TRPM3: variants seen among roughly 807,000 people sequenced by gnomAD.
TRPM3 encodes long transient receptor potential channel 3.
A neutral mutation model predicts 181.2 loss-of-function variants in TRPM3; 77 were observed. That is an observed-to-expected ratio of 0.42 (90% confidence interval 0.35 to 0.51). TRPM3 has a LOEUF of 0.51. Ranked by LOEUF, TRPM3 falls within the 20% of genes least tolerant of loss-of-function variation. TRPM3 has a pLI of 0.01. For synonymous variants in TRPM3, 745 were observed against 796.4 expected (o/e 0.94, Z 1.09); for missense variants, 1,759 against 2,196.7 (o/e 0.80, Z 3.98).
intron 1 of TRPM3, among the ~76,000 whole-genome samples, chr9:71,260,029 C>T (rs934807551): frequency 2.6e-5 from 4 of 152,112 alleles, no homozygotes; most frequent in Admixed American, 2.6e-4. Flanking sequence ...ACATTGAAGT[C>T]TTTAATCCAT....
At chr9:71,199,461 C>T (rs2078629463) in intron 1 of TRPM3, among the ~76,000 whole-genome samples, 1 of 152,048 alleles carries the variant, frequency 6.6e-6, no homozygotes, top group Non-Finnish European at 1.5e-5. Flanking sequence ...CCAGTTCCTC[C>T]TTGTACCTCT....
At chr9:70,934,717 T>C (rs897561419) in intron 1 of TRPM3, among the ~76,000 whole-genome samples, 11 of 152,220 alleles carry the variant, frequency 7.2e-5, no homozygotes, top group Non-Finnish European at 8.8e-5. Context: ...ATTTCCTTTA[T>C]TTCTCAGGCT....
At position 71,341,642 on chromosome 9, in the gene TRPM3, G is replaced by C. The variant is rs575001600; in HGVS notation, c.183+105011C>G. Among the ~76,000 whole-genome samples, 3 of 150,226 alleles carry C rather than the reference G, an allele frequency of 2.0e-5. No homozygotes were observed. The South Asian group carries it at 6.3e-4, about 32-fold the overall frequency. ...TAAATTCAGTGTAGAATCCTAGATT[G>C]GATCCTGGAAAAGAAAAAGAAACTA... On this transcript the variant is annotated intron_variant, in intron 1 of 24. Transcript: ENST00000357533.
chr9:70,853,650 G>C (rs565676320), intron 3 of TRPM3, among the ~76,000 whole-genome samples: 23 of 152,268 alleles, frequency 1.5e-4, no homozygotes, highest in African/African-American at 5.3e-4. Flanking sequence ...CTTTTGACCA[G>C]TACTAATTCT....
At chr9:70,876,077 G>A (rs1004431005) in intron 1 of TRPM3, among the ~76,000 whole-genome samples, 5 of 151,624 alleles carry the variant, frequency 3.3e-5, no homozygotes. Context: ...CTTTAATTTG[G>A]TTATATTGTT....
At chr9:70,639,529 C>T (rs1473232704) in intron 10 of TRPM3, among the ~76,000 whole-genome samples, 1 of 152,130 alleles carries the variant, frequency 6.6e-6, no homozygotes, top group African/African-American at 2.4e-5. Context: ...TCAACACCAG[C>T]GAAGTGTCAA....
rs566836112 is a variant in TRPM3, at chr9:70,807,713, A to G, written c.973+20134T>C. ...ATCTACAGAAGATGAGAGACTGTGA[A>G]GGCAGATGGGAGACTATGAAGGCTC... On this transcript the variant is annotated intron_variant, in intron 6 of 25. Coordinates refer to ENST00000677713, the MANE Select transcript of TRPM3 (RefSeq NM_001366145.2). 1.1e-3 allele frequency among the ~76,000 whole-genome samples: 175 copies of G among 152,276 alleles called. 1 individual carries two copies. Among genetic ancestry groups the G allele is most frequent in the African/African-American group, 4.0e-3 (165 of 41,558 alleles).
intron 1 of TRPM3, among the ~76,000 whole-genome samples, chr9:71,401,574 TGAG>T (rs2093341949): frequency 6.6e-6 from 1 of 152,204 alleles, no homozygotes; most frequent in African/African-American, 2.4e-5. Flanking sequence ...TTACCCTTGA[TGAG>T]GTAGATGTCA....
chr9:70,876,171 C>T (rs572660916), intron 1 of TRPM3, among the ~76,000 whole-genome samples: 11 of 151,574 alleles, frequency 7.3e-5, no homozygotes, highest in Non-Finnish European at 1.5e-4. Context: ...GACTAACTAC[C>T]AAAGCCTATA....
chr9:70,695,680 A>G (rs2070154013), intron 8 of TRPM3, among the ~76,000 whole-genome samples: 1 of 152,192 alleles, frequency 6.6e-6, no homozygotes, highest in Non-Finnish European at 1.5e-5. Context: ...TGGTGACAAC[A>G]TTACTAATGG....
chr9:71,299,622 G>A (rs926577234), intron 1 of TRPM3, among the ~76,000 whole-genome samples: 12 of 152,114 alleles, frequency 7.9e-5, no homozygotes, highest in Admixed American at 6.6e-4. Flanking sequence ...TGTTAACTAT[G>A]TAATTGTGCA....
At chr9:71,423,929 G>T (rs73472651) in intron 1 of TRPM3, among the ~76,000 whole-genome samples, 2,400 of 151,990 alleles carry the variant, frequency 0.016, 54 homozygotes, top group African/African-American at 0.053. Context: ...ATCCAGTAAC[G>T]TATCCACCTT....
At chr9:71,313,366 G>C (rs2088181615) in intron 1 of TRPM3, among the ~76,000 whole-genome samples, 1 of 152,082 alleles carries the variant, frequency 6.6e-6, no homozygotes, top group Non-Finnish European at 1.5e-5. Flanking sequence ...CTTCATACCT[G>C]ATTCCTAAAT....
intron 8 of TRPM3, among the ~76,000 whole-genome samples, chr9:70,745,428 G>A (rs996958746): frequency 2.6e-5 from 4 of 152,044 alleles, no homozygotes; most frequent in Non-Finnish European, 5.9e-5. Context: ...AACATTTTGA[G>A]TTGAAAAATT....
chr9:71,029,938 A>G (rs1309341461), intron 1 of TRPM3, among the ~76,000 whole-genome samples: 1 of 152,206 alleles, frequency 6.6e-6, no homozygotes, highest in Non-Finnish European at 1.5e-5. Flanking sequence ...CTGACCCCTG[A>G]GCCAAAAGGA....
chr9:70,650,798 T>C (rs1263527117), intron 9 of TRPM3, among the ~76,000 whole-genome samples: 1 of 152,236 alleles, frequency 6.6e-6, no homozygotes, highest in Non-Finnish European at 1.5e-5. Flanking sequence ...TCTGCAATTC[T>C]GTGATGATTC....
At chr9:71,293,722 T>C (rs1224936889) in intron 1 of TRPM3, among the ~76,000 whole-genome samples, 1 of 151,932 alleles carries the variant, frequency 6.6e-6, no homozygotes, top group Non-Finnish European at 1.5e-5. Context: ...GACAGAATAA[T>C]TCCAAATATT....
chr9:71,018,129 T>C (rs2097800906), intron 1 of TRPM3, among the ~76,000 whole-genome samples: 1 of 151,804 alleles, frequency 6.6e-6, no homozygotes, highest in Admixed American at 6.6e-5. Flanking sequence ...TCAGAATGAA[T>C]TGTAATGAAA....
intron 8 of TRPM3, among the ~76,000 whole-genome samples, chr9:70,686,694 C>CCTTCCTTCCTTCCTTCCTTCT (rs1563994532): frequency 1.7e-4 from 10 of 59,806 alleles, no homozygotes; most frequent in African/African-American, 5.9e-4. Context: ...TCTTTCCTTC[C>CCTTCCTTCCTTCCTTCCTTCT]TTCCTTCCTT....
Sources: allele counts gnomAD v4.1 joint callset (sites outside exome capture counted in the v4.1 genomes callset), GRCh38; gene constraint gnomAD v4.1.1; transcripts MANE v1.5; gene names NCBI Gene and HGNC (gene_info 2026-07-23, HGNC 2026-07-21).